The following QTMAN variants were observed in gnomAD, a reference collection of about 807,000 sequenced individuals.
QTMAN encodes tRNA-queuosine alpha-mannosyltransferase.
At chr2:144,309,608 G>A in the QTMAN span, among the ~76,000 whole-genome samples, 2 of 152,152 alleles carry the variant, frequency 1.3e-5, no homozygotes, top group Admixed American at 6.5e-5. Context: ...GAATGAGGGA[G>A]GAGTGACTAC....
At chr2:144,014,412 C>T in the QTMAN span, among the ~76,000 whole-genome samples, 1 of 152,108 alleles carries the variant, frequency 6.6e-6, no homozygotes, top group Admixed American at 6.6e-5. Flanking sequence ...TTAAAGCCAA[C>T]ATGAAATACA....
the QTMAN span, among the ~76,000 whole-genome samples, chr2:144,022,604 G>A: frequency 1.9e-4 from 22 of 115,128 alleles, no homozygotes; most frequent in African/African-American, 3.2e-4. Context: ...TTGCTCTGTC[G>A]CCACGCTGGA....
At chr2:144,226,554 T>C in the QTMAN span, among the ~76,000 whole-genome samples, 1 of 152,156 alleles carries the variant, frequency 6.6e-6, no homozygotes, top group Non-Finnish European at 1.5e-5. Flanking sequence ...CTTTTGAATA[T>C]TAAAAGGGCT....
At chr2:143,964,307 T>C in the QTMAN span, among the ~76,000 whole-genome samples, 1 of 152,018 alleles carries the variant, frequency 6.6e-6, no homozygotes, top group Non-Finnish European at 1.5e-5. Context: ...ATAAAAAAAT[T>C]ATAAGGAAAA....
At chr2:144,304,464 A>G in the QTMAN span, among the ~76,000 whole-genome samples, 1 of 152,222 alleles carries the variant, frequency 6.6e-6, no homozygotes, top group Non-Finnish European at 1.5e-5. Flanking sequence ...TACCAGACAT[A>G]CAAAGAAGAA....
At chr2:144,165,792 C>T in the QTMAN span, among the ~76,000 whole-genome samples, 1 of 152,196 alleles carries the variant, frequency 6.6e-6, no homozygotes, top group Admixed American at 6.5e-5. Flanking sequence ...GACTCACTCT[C>T]CCTGAATTTC....
chr2:144,217,738 G>A, the QTMAN span, among the ~76,000 whole-genome samples: 1 of 152,004 alleles, frequency 6.6e-6, no homozygotes, highest in African/African-American at 2.4e-5. Context: ...TAAGAACTAG[G>A]ACTGGAGGGG....
chr2:144,170,433 G>A, the QTMAN span, among the ~76,000 whole-genome samples: 1 of 152,158 alleles, frequency 6.6e-6, no homozygotes, highest in Non-Finnish European at 1.5e-5. Context: ...CCACAGAGGT[G>A]ATGTGGAGTG....
chr2:144,283,585 C>A, the QTMAN span, among the ~76,000 whole-genome samples: 2 of 151,680 alleles, frequency 1.3e-5, no homozygotes, highest in African/African-American at 2.4e-5. Context: ...CTGAATAAGG[C>A]CTAGTAAAAT....
chr2:144,241,230 A>C, the QTMAN span, among the ~76,000 whole-genome samples: 1 of 152,218 alleles, frequency 6.6e-6, no homozygotes, highest in Non-Finnish European at 1.5e-5. Context: ...AGTGGGGCCC[A>C]GTGTTTTAAC....
the QTMAN span, among the ~76,000 whole-genome samples, chr2:144,119,322 T>C: frequency 2.0e-5 from 3 of 152,328 alleles, no homozygotes; most frequent in African/African-American, 7.2e-5. Context: ...CCCAAGCTAC[T>C]GCTATGAGGA....
the QTMAN span, among the ~76,000 whole-genome samples, chr2:144,330,619 A>C: frequency 1.3e-5 from 2 of 152,254 alleles, no homozygotes; most frequent in African/African-American, 4.8e-5. Flanking sequence ...ACTATGTACA[A>C]TTCATGGCAT....
At chr2:144,124,117 T>C in the QTMAN span, among the ~76,000 whole-genome samples, 1 of 152,132 alleles carries the variant, frequency 6.6e-6, no homozygotes, top group Admixed American at 6.6e-5. Context: ...CACCCTAGAC[T>C]GCTAGTAGAA....
the QTMAN span, among the ~76,000 whole-genome samples, chr2:144,325,385 T>C: frequency 6.6e-6 from 1 of 152,218 alleles, no homozygotes; most frequent in African/African-American, 2.4e-5. Context: ...TACCACACTC[T>C]GGATTCCTGT....
chr2:144,032,531 G>A, the QTMAN span, among the ~76,000 whole-genome samples: 1 of 152,186 alleles, frequency 6.6e-6, no homozygotes. Context: ...CATATTATAA[G>A]CCCAAGGGTG....
chr2:144,208,448 T>C, the QTMAN span, among the ~76,000 whole-genome samples: 5 of 152,366 alleles, frequency 3.3e-5, no homozygotes, highest in East Asian at 9.6e-4. Flanking sequence ...ATGAGTATAC[T>C]CCACTGCTCT....
At chr2:144,200,894 C>T in the QTMAN span, among the ~76,000 whole-genome samples, 116 of 152,076 alleles carry the variant, frequency 7.6e-4, 1 homozygote, top group Non-Finnish European at 1.4e-3. Context: ...CAGAGGATAC[C>T]GGTAGTGCGC....
At chr2:144,122,566 A>C in the QTMAN span, among the ~76,000 whole-genome samples, 1 of 152,158 alleles carries the variant, frequency 6.6e-6, no homozygotes, top group Admixed American at 6.5e-5. Context: ...CTTTCAGCCT[A>C]AAGTTTTACA....
chr2:144,131,668 C>A, the QTMAN span, among the ~76,000 whole-genome samples: 1 of 151,846 alleles, frequency 6.6e-6, no homozygotes, highest in Non-Finnish European at 1.5e-5. Flanking sequence ...TTTCACAATT[C>A]TGTGTACCTA....
Sources: gnomAD v4.1 joint callset for allele counts (sites outside exome capture counted in the v4.1 genomes callset) on GRCh38, gnomAD v4.1.1 for gene constraint, MANE v1.5 for transcripts, NCBI Gene and HGNC (gene_info 2026-07-23, HGNC 2026-07-21) for gene names.